The following CDH2 variants were observed in gnomAD, a reference collection of about 807,000 sequenced individuals.
The protein encoded by CDH2 is cadherin-2.
A neutral mutation model predicts 92.0 loss-of-function variants in CDH2; 17 were observed. That is an observed-to-expected ratio of 0.18 (90% CI 0.13 to 0.28). The LOEUF is 0.28. Among genes scored for constraint, CDH2 ranks in the 10% least tolerant of loss-of-function variants. The pLI, the probability that CDH2 is intolerant of heterozygous loss-of-function variation, is 1.00. For missense variants in CDH2, 862 were observed against 1,133.1 expected (o/e 0.76, Z 3.44); for synonymous variants, 419 against 415.9 (o/e 1.01, Z -0.09).
rs1179797321 is a variant in CDH2 at position 28,177,079 on chromosome 18, GGCGGAGGAGGAGGAGGCAGCGGCA to G, written c.-81_-58del. On this transcript the variant is annotated 5_prime_UTR_variant, in exon 1 of 16. Transcript: ENST00000269141. The stretch of plus-strand genomic sequence containing the variant: ...AGGAGGCGGCGGCGGCGGCGGCGGC[GGCGGAGGAGGAGGAGGCAGCGGCA>G]GCACCAACAGCGGCGCGGAGAAACG... 30 of 1,334,954 alleles carry G rather than the reference GGCGGAGGAGGAGGAGGCAGCGGCA, an allele frequency of 2.2e-5. 1 individual carries two copies. In the East Asian group the frequency reaches 7.1e-4, roughly 32 times the overall value. The allele number at this position is 1,334,954 out of a possible 1,614,324, so 82.7% of individuals were successfully genotyped here. A position where few individuals can be genotyped will look rare whatever the true frequency, so the allele number is the denominator to read the frequency against.
intron 1 of CDH2, among the ~76,000 whole-genome samples, chr18:28,166,976 C>T (rs2016394664): frequency 6.6e-6 from 1 of 151,966 alleles, no homozygotes; most frequent in South Asian, 2.1e-4. Flanking sequence ...GTAAATGGTA[C>T]CCGGATACAC....
chr18:27,963,235 A>G, intron 15 of CDH2, 122 bp downstream of exon 15: 1 of 805,376 alleles, frequency 1.2e-6, no homozygotes, highest in Non-Finnish European at 1.9e-6. Context: ...GATGAACTTC[A>G]GAAACACAAG....
At chr18:27,936,578 A>G (rs8084057) in intron 6 of CDH2, among the ~76,000 whole-genome samples, 101,741 of 152,010 alleles carry the variant, frequency 0.67, 34,153 homozygotes, top group East Asian at 0.71. Context: ...CACCCAGCCC[A>G]GAGTGCAGTG....
At chr18:28,002,650 G>C (rs1441123581) in intron 7 of CDH2, among the ~76,000 whole-genome samples, 1 of 152,144 alleles carries the variant, frequency 6.6e-6, no homozygotes, top group African/African-American at 2.4e-5. Flanking sequence ...TCCTAAGTTT[G>C]TGTGCAAATT....
chr18:28,007,837 C>T (rs1272235024), intron 5 of CDH2, among the ~76,000 whole-genome samples: 1 of 152,168 alleles, frequency 6.6e-6, no homozygotes, highest in Non-Finnish European at 1.5e-5. Flanking sequence ...TCAAGTGATT[C>T]TCCCACCTCA....
intron 2 of CDH2, among the ~76,000 whole-genome samples, chr18:28,069,313 T>C (rs761137974): frequency 1.8e-4 from 28 of 152,316 alleles, no homozygotes; most frequent in Non-Finnish European, 3.2e-4. Flanking sequence ...AAAAGGTCTA[T>C]ATGATTATTC....
chr18:28,016,715 T>C (rs1287571035), intron 2 of CDH2, among the ~76,000 whole-genome samples: 1 of 152,092 alleles, frequency 6.6e-6, no homozygotes, highest in Non-Finnish European at 1.5e-5. Context: ...CTAAACTCAT[T>C]ACATAAGTCA....
intron 13 of CDH2, among the ~76,000 whole-genome samples, chr18:27,983,689 T>A (rs2012133707): frequency 1.3e-5 from 2 of 152,224 alleles, no homozygotes; most frequent in Non-Finnish European, 2.9e-5. Context: ...TAGACTTTCA[T>A]GTTTTACACT....
At chr18:27,936,072 T>C (rs560661842) in intron 6 of CDH2, among the ~76,000 whole-genome samples, 13 of 152,290 alleles carry the variant, frequency 8.5e-5, no homozygotes, top group African/African-American at 3.1e-4. Flanking sequence ...TGTTTTTCAT[T>C]TCACTTCTTC....
chr18:27,936,314 C>T (rs149626754), intron 6 of CDH2, among the ~76,000 whole-genome samples: 256 of 152,174 alleles, frequency 1.7e-3, no homozygotes, highest in Admixed American at 2.7e-3. Flanking sequence ...GATAAGGATG[C>T]GGATGCCATG....
chr18:28,005,792 G>T (rs182830614), intron 6 of CDH2, 57 bp downstream of exon 6: 21 of 1,278,048 alleles, frequency 1.6e-5, no homozygotes, highest in Non-Finnish European at 2.3e-5. Context: ...CATATAACAG[G>T]GCTGGTTACA....
intron 2 of CDH2, among the ~76,000 whole-genome samples, chr18:28,144,766 T>C (rs2016009404): frequency 6.6e-6 from 1 of 152,122 alleles, no homozygotes; most frequent in Non-Finnish European, 1.5e-5. Flanking sequence ...GATGTATTCA[T>C]GTGATATTAC....
chr18:28,114,295 A>T (rs2144259373), intron 2 of CDH2, among the ~76,000 whole-genome samples: 1 of 152,286 alleles, frequency 6.6e-6, no homozygotes, highest in Non-Finnish European at 1.5e-5. Flanking sequence ...GTATAGAAAT[A>T]TCTCTATGTA....
chr18:27,992,738 T>G lies in CDH2; in HGVS notation c.1261A>C (p.Arg421=). The change falls in exon 9 of 16, where the codon AGA becomes CGA. Residue 421 remains arginine, a synonymous_variant. Transcript: ENST00000269141. The part of the protein sequence containing the change: ...PHTPAWNAVY[R]ISGGDPTGRF... Reference sequence around the variant, plus strand: ...CCAGTAGGATCTCCGCCACTGATTCTGTACACTGCGTTCCAGGCTGGTGTA... The same window carrying G: ...CCAGTAGGATCTCCGCCACTGATTCGGTACACTGCGTTCCAGGCTGGTGTA... The G allele has an allele frequency of 6.2e-7, 1 of 1,614,134 alleles. No homozygotes were observed. Among genetic ancestry groups the G allele is most frequent in the East Asian group, 2.2e-5 (1 of 44,860 alleles).
chr18:28,059,410 T>C (rs1010091002), intron 2 of CDH2, among the ~76,000 whole-genome samples: 2 of 152,234 alleles, frequency 1.3e-5, no homozygotes, highest in African/African-American at 4.8e-5. Context: ...GAGTCATTCA[T>C]GCTAAAGGAA....
rs187494108 is a variant in CDH2 at position 28,070,015 on chromosome 18, G to A, written c.173-56106C>T. 1.3e-3 allele frequency among the ~76,000 whole-genome samples: 201 copies of A among 152,194 alleles called. 1 individual carries two copies. Among genetic ancestry groups the A allele is most frequent in the African/African-American group, 4.7e-3 (197 of 41,530 alleles). The stretch of plus-strand genomic sequence containing the variant: ...CATAAGAAGCCTAGTAGGCAGAGGC[G>A]AATCAATAGACTAGGAAACACGGCA... On this transcript the variant is annotated intron_variant, in intron 2 of 15. Transcript: ENST00000269141.
chr18:28,016,616 C>T (rs953122337), intron 2 of CDH2, among the ~76,000 whole-genome samples: 1 of 152,138 alleles, frequency 6.6e-6, no homozygotes, highest in South Asian at 2.1e-4. Context: ...TGTTTCTGTT[C>T]TGCAGATGAG....
chr18:28,115,541 T>C (rs1212921523), intron 2 of CDH2, among the ~76,000 whole-genome samples: 1 of 152,116 alleles, frequency 6.6e-6, no homozygotes, highest in African/African-American at 2.4e-5. Flanking sequence ...GGTATCTTGC[T>C]CAGAGAAATT....
At chr18:28,053,034 G>C (rs1391038606) in intron 2 of CDH2, among the ~76,000 whole-genome samples, 1 of 152,150 alleles carries the variant, frequency 6.6e-6, no homozygotes, top group Non-Finnish European at 1.5e-5. Flanking sequence ...CATGTGCACA[G>C]AGGGAGGACC....
Sources: allele counts gnomAD v4.1 joint callset (sites outside exome capture counted in the v4.1 genomes callset), GRCh38; gene constraint gnomAD v4.1.1; transcripts MANE v1.5; gene names NCBI Gene and HGNC (gene_info 2026-07-23, HGNC 2026-07-21).